Variants in DICER1 observed in about 807,000 individuals in gnomAD.
DICER1 encodes the protein endoribonuclease Dicer.
A neutral mutation model predicts 194.1 loss-of-function variants in DICER1; 43 were observed. The ratio of observed to expected loss-of-function variants is 0.22; its 90% confidence interval spans 0.17 to 0.29. DICER1 has a LOEUF of 0.29. DICER1 is among the 10% of genes least tolerant of loss of function. The pLI, the probability that DICER1 is intolerant of heterozygous loss-of-function variation, is 1.00. For synonymous variants in DICER1, 832 were observed against 820.5 expected, an observed-to-expected ratio of 1.01 and a Z score of -0.24; for missense variants, 1,608 against 2,317.0, an observed-to-expected ratio of 0.69 and a Z score of 6.28.
intron 1 of DICER1, among the ~76,000 whole-genome samples, chr14:95,144,838 T>C (rs1197022086): frequency 6.6e-6 from 1 of 152,170 alleles, no homozygotes; most frequent in Non-Finnish European, 1.5e-5. Context: ...CTTCCCTTTT[T>C]CTACTTAAGA....
rs138308365 is a variant in DICER1 at position 95,096,147 on chromosome 14, G to A, written c.4773C>T (p.Leu1591=). 4.4e-5 allele frequency: 71 copies of A among 1,614,144 alleles called. No individual in the cohort carries two copies. In the African/African-American group the frequency reaches 7.6e-4, roughly 17 times the overall value. ...LFLCSLGLKV[L]PVIKRTDREK... ...CCCGATCAGTCCTTTTAATTACCGG[G>A]AGCACCTTCAGCCCCAGTGAACAGA... The change falls in exon 23 of 27, where the codon CTC becomes CTT. Residue 1591 remains leucine (L), a synonymous_variant. Transcript: ENST00000343455.
chr14:95,156,315 T>C (rs1895859877), intron 1 of DICER1, among the ~76,000 whole-genome samples: 1 of 152,210 alleles, frequency 6.6e-6, no homozygotes, highest in Non-Finnish European at 1.5e-5. Flanking sequence ...AGATGAATGT[T>C]TTTAAAACCT....
At chr14:95,099,073 C>G (rs1252582241) in intron 22 of DICER1, among the ~76,000 whole-genome samples, 1 of 152,004 alleles carries the variant, frequency 6.6e-6, no homozygotes, top group Non-Finnish European at 1.5e-5. Context: ...AATAAATCTC[C>G]AAGAAATGAA....
intron 1 of DICER1, among the ~76,000 whole-genome samples, chr14:95,140,347 G>T (rs1450488099): frequency 1.3e-5 from 2 of 152,052 alleles, no homozygotes; most frequent in African/African-American, 4.8e-5. Context: ...CTATGCTTAG[G>T]TATATTTAGA....
Position 95,147,737 on chromosome 14 carries a change from G to A in DICER1, c.-46+9493C>T, listed in dbSNP as rs1895231520. ...ACAGGTTGAGGGCTCCAGTCCTCAA[G>A]ACCTCCCCCACCCTTCCGTGTCAAT... On this transcript the variant is annotated intron_variant, in intron 1 of 26. Coordinates refer to ENST00000343455, the MANE Select transcript of DICER1 (RefSeq NM_177438.3). Among the ~76,000 whole-genome samples, 3 of 152,156 alleles carry A rather than the reference G, an allele frequency of 2.0e-5. No individual in the cohort carries two copies. In the South Asian group the frequency reaches 6.2e-4, roughly 32 times the overall value.
chr14:95,101,658 T>C (rs899003426), intron 21 of DICER1, among the ~76,000 whole-genome samples: 5 of 152,172 alleles, frequency 3.3e-5, no homozygotes, highest in African/African-American at 1.2e-4. Flanking sequence ...ACGTGGTTGT[T>C]ATGACTGCGC....
intron 10 of DICER1, among the ~76,000 whole-genome samples, chr14:95,116,090 C>CAT (rs71132333): frequency 6.7e-6 from 1 of 149,090 alleles, no homozygotes; most frequent in African/African-American, 2.6e-5. Context: ...CACACACACA[C>CAT]GACTGTTAGT....
At chr14:95,112,110 G>GC in intron 13 of DICER1, 62 bp downstream of exon 13, 1 of 1,424,936 alleles carries the variant, frequency 7.0e-7, no homozygotes, top group Non-Finnish European at 9.9e-7. Context: ...TCCTCTATAT[G>GC]CTTTTTTTTT....
intron 7 of DICER1, among the ~76,000 whole-genome samples, chr14:95,126,149 C>G (rs1595446366): frequency 6.6e-6 from 1 of 152,194 alleles, no homozygotes; most frequent in Non-Finnish European, 1.5e-5. Flanking sequence ...ATGTGGGGCC[C>G]ACAATGGAAG....
At chr14:95,115,572 G>T (rs960332317) in intron 11 of DICER1, 95 bp downstream of exon 11, 6 of 1,383,266 alleles carry the variant, frequency 4.3e-6, no homozygotes, top group Non-Finnish European at 6.2e-6. Flanking sequence ...GTAAAGACTG[G>T]TAACCGCAAA....
At chr14:95,126,038 T>A (rs1893427101) in intron 7 of DICER1, among the ~76,000 whole-genome samples, 2 of 151,960 alleles carry the variant, frequency 1.3e-5, no homozygotes, top group Non-Finnish European at 2.9e-5. Flanking sequence ...TCTCGAGCTT[T>A]AATGAATCAG....
intron 22 of DICER1, among the ~76,000 whole-genome samples, chr14:95,098,763 G>C (rs1486011443): frequency 6.6e-6 from 1 of 152,112 alleles, no homozygotes; most frequent in Non-Finnish European, 1.5e-5. Flanking sequence ...TAATTGTTCG[G>C]ACCTAACTTG....
intron 4 of DICER1, 92 bp from the exon 5 acceptor site, chr14:95,130,284 G>C: frequency 7.8e-7 from 1 of 1,278,638 alleles, no homozygotes; most frequent in Non-Finnish European, 1.1e-6. Flanking sequence ...TGTATCATAA[G>C]TGAGGATTAA....
intron 22 of DICER1, among the ~76,000 whole-genome samples, chr14:95,099,377 A>T (rs969813155): frequency 2.6e-5 from 4 of 152,164 alleles, no homozygotes; most frequent in Non-Finnish European, 4.4e-5. Context: ...ACTGAAATTA[A>T]TTATTTCACA....
chr14:95,118,592 G>A (rs982281829), intron 8 of DICER1, among the ~76,000 whole-genome samples: 18 of 152,286 alleles, frequency 1.2e-4, no homozygotes, highest in Admixed American at 1.2e-3. Context: ...AAAGAGCTAC[G>A]GGACGGGATC....
chr14:95,115,567 G>A, intron 11 of DICER1, 100 bp downstream of exon 11: 1 of 1,324,616 alleles, frequency 7.5e-7, no homozygotes, highest in Non-Finnish European at 1.1e-6. Context: ...TCTAAGTAAA[G>A]ACTGGTAACC....
chr14:95,116,377 G>T (rs1378649337), intron 10 of DICER1, 76 bp downstream of exon 10: 18 of 1,534,978 alleles, frequency 1.2e-5, no homozygotes, highest in Non-Finnish European at 1.6e-5. Context: ...TGTTCCTATG[G>T]ATACAAAGAA....
chr14:95,108,704 G>A (rs1219758805), intron 14 of DICER1, among the ~76,000 whole-genome samples: 2 of 152,176 alleles, frequency 1.3e-5, no homozygotes, highest in African/African-American at 2.4e-5. Context: ...GCTGACGGTG[G>A]CCCAAGTTCA....
rs141288912 is a variant in DICER1, at chr14:95,103,829, A to G, written c.3567T>C (p.Tyr1189=). Residue 1189 remains tyrosine (Y), a synonymous_variant, in exon 21 of 27, where the codon TAT becomes TAC. Transcript: ENST00000343455. ...GGCAAAAGTCTCTGTTAGCTAAATC[A>G]TAACTGCCATTGGCGAGATTTTGAT... ...SYNQNLANGS[Y]DLANRDFCQG... is the part of the protein sequence containing the mutation. 1.1e-5 allele frequency: 18 copies of G among 1,614,226 alleles called. No homozygotes were observed. Among genetic ancestry groups the G allele is most frequent in the Middle Eastern group, 1.6e-4 (1 of 6,062 alleles).
Sources: gnomAD v4.1 joint callset for allele counts (sites outside exome capture counted in the v4.1 genomes callset) on GRCh38, gnomAD v4.1.1 for gene constraint, MANE v1.5 for transcripts, NCBI Gene and HGNC (gene_info 2026-07-23, HGNC 2026-07-21) for gene names.